The following NDUFS4 variants were observed in gnomAD, a reference collection of about 807,000 sequenced individuals.
NDUFS4 encodes the protein NADH dehydrogenase [ubiquinone] iron-sulfur protein 4, mitochondrial.
NDUFS4 carries 28 observed loss-of-function variants against 24.3 expected under a neutral mutation model. That is an observed-to-expected ratio of 1.15 (90% CI 0.85 to 1.58). The LOEUF (loss-of-function observed/expected upper bound fraction) is 1.58. NDUFS4 is among the 40% of genes most tolerant of loss of function. NDUFS4 has a pLI of 0.00. For synonymous variants in NDUFS4, 93 were observed against 69.7 expected (o/e 1.34, Z -1.67); for missense variants, 223 against 207.9 (o/e 1.07, Z -0.45).
chr5:53,668,616 ATTT>A (rs951595795), intron 4 of NDUFS4, among the ~76,000 whole-genome samples: 50 of 132,300 alleles, frequency 3.8e-4, no homozygotes, highest in Non-Finnish European at 3.9e-4. Flanking sequence ...TGTCCAGCTA[ATTT>A]TTTTTTTTTT....
intron 1 of NDUFS4, among the ~76,000 whole-genome samples, chr5:53,576,243 G>A (rs187993359): frequency 3.3e-5 from 5 of 152,296 alleles, no homozygotes; most frequent in Admixed American, 2.0e-4. Context: ...GTTTATACTC[G>A]TGTTCAAGTT....
chr5:53,615,769 A>G (rs572501006), intron 2 of NDUFS4, among the ~76,000 whole-genome samples: 36 of 152,242 alleles, frequency 2.4e-4, no homozygotes, highest in African/African-American at 7.2e-4. Flanking sequence ...TGCTTCCAAT[A>G]AAATAGACAT....
intron 1 of NDUFS4, among the ~76,000 whole-genome samples, chr5:53,581,626 C>G (rs900867834): frequency 1.3e-5 from 2 of 152,242 alleles, no homozygotes; most frequent in Admixed American, 6.5e-5. Flanking sequence ...CGGCCTACCC[C>G]CAACACCCTT....
At chr5:53,653,889 A>G (rs1027658328) in intron 3 of NDUFS4, among the ~76,000 whole-genome samples, 2 of 152,130 alleles carry the variant, frequency 1.3e-5, no homozygotes, top group Non-Finnish European at 2.9e-5. Flanking sequence ...GAGTATTGCT[A>G]ATATTTAAAG....
chr5:53,653,971 A>G (rs1752092572), intron 3 of NDUFS4, among the ~76,000 whole-genome samples: 1 of 151,864 alleles, frequency 6.6e-6, no homozygotes, highest in Admixed American at 6.6e-5. Flanking sequence ...ATTCACTTTG[A>G]TTTTCTAGTT....
At chr5:53,637,062 G>C (rs1040099300) in intron 2 of NDUFS4, among the ~76,000 whole-genome samples, 10 of 152,308 alleles carry the variant, frequency 6.6e-5, no homozygotes, top group African/African-American at 2.4e-4. Flanking sequence ...GTGCAGCATA[G>C]GCTCTTTTTA....
intron 2 of NDUFS4, among the ~76,000 whole-genome samples, chr5:53,607,530 G>A (rs186389910): frequency 8.7e-4 from 132 of 152,258 alleles, no homozygotes; most frequent in Admixed American, 1.8e-3. Context: ...GACACTAACG[G>A]ATGTGATTTT....
At chr5:53,573,706 A>G (rs1245214079) in intron 1 of NDUFS4, 1 of 339,618 alleles carries the variant, frequency 2.9e-6, no homozygotes, top group Non-Finnish European at 5.7e-6. Flanking sequence ...CTCCCACCTC[A>G]GCCTCCCAGG....
Position 53,637,693 on chromosome 5 carries a change from A to T in NDUFS4, c.178-8540A>T, listed in dbSNP as rs1384168600. On this transcript the variant is annotated intron_variant, in intron 2 of 4. Transcript: ENST00000296684. ...CCCACAATGTTTCAAACAACAAAAA[A>T]AAATTATCCTCATTAGTTCATTCAC... is the stretch of plus-strand genomic sequence containing the variant. Among the ~76,000 whole-genome samples the T allele has an allele frequency of 2.0e-5, 3 of 152,190 alleles. No individual in the cohort carries two copies. In the East Asian group the frequency reaches 5.8e-4, roughly 29 times the overall value.
At chr5:53,632,290 C>T (rs1751432023) in intron 2 of NDUFS4, among the ~76,000 whole-genome samples, 1 of 152,200 alleles carries the variant, frequency 6.6e-6, no homozygotes, top group Non-Finnish European at 1.5e-5. Flanking sequence ...TCTACTACTG[C>T]TGATCAGCTT....
rs531704770 is a variant in NDUFS4, at chr5:53,622,899, C to T, written c.177+19369C>T. Among the ~76,000 whole-genome samples, 9 of 152,278 alleles carry T rather than the reference C, an allele frequency of 5.9e-5. No homozygotes were observed. In the South Asian group the frequency reaches 1.9e-3, roughly 32 times the overall value. On this transcript the variant is annotated intron_variant, in intron 2 of 4. Transcript: ENST00000296684. ...TATTAACTGTCCTTTATGCTCTCCC[C>T]TGTTCCTCATAACCTCTATTATACT...
chr5:53,643,584 G>T (rs1325426314), intron 2 of NDUFS4, among the ~76,000 whole-genome samples: 1 of 152,056 alleles, frequency 6.6e-6, no homozygotes, highest in Non-Finnish European at 1.5e-5. Context: ...ATTGAAATGT[G>T]CTTAAAGAAC....
chr5:53,601,508 T>TA (rs1329424709), intron 1 of NDUFS4, among the ~76,000 whole-genome samples: 1 of 152,196 alleles, frequency 6.6e-6, no homozygotes, highest in Non-Finnish European at 1.5e-5. Context: ...CCCTTTGTAG[T>TA]AAAAAATTGC....
In NDUFS4 at chr5:53,605,663, A is replaced by G. The variant is rs145280363; in HGVS notation, c.177+2133A>G. On this transcript the variant is annotated intron_variant, in intron 2 of 4. Transcript: ENST00000296684. The stretch of plus-strand genomic sequence containing the variant: ...GGGATTGGTTCTAGGACTCCCCTCA[A>G]GTACCAAAATCCGTGGATGCTTAAG... 1.9e-3 allele frequency among the ~76,000 whole-genome samples: 295 copies of G among 152,292 alleles called. 2 individuals are homozygous for G. Among genetic ancestry groups the G allele is most frequent in the African/African-American group, 6.8e-3 (282 of 41,562 alleles).
At chr5:53,649,408 C>T (rs1302258119) in intron 3 of NDUFS4, among the ~76,000 whole-genome samples, 10 of 152,240 alleles carry the variant, frequency 6.6e-5, no homozygotes, top group African/African-American at 1.9e-4. Context: ...TCCATCTTTA[C>T]GTCCATGTGT....
intron 1 of NDUFS4, 57 bp from the exon 2 acceptor site, chr5:53,603,395 G>A (rs891392256): frequency 2.3e-6 from 2 of 872,294 alleles, no homozygotes; most frequent in Admixed American, 4.2e-5. Flanking sequence ...TGTAAGATTT[G>A]TCTGTCTCTC....
intron 1 of NDUFS4, among the ~76,000 whole-genome samples, chr5:53,574,975 C>T (rs751965727): frequency 2.6e-5 from 4 of 152,128 alleles, no homozygotes; most frequent in African/African-American, 7.2e-5. Flanking sequence ...ACAGCTCCAG[C>T]GGACTTAGAA....
chr5:53,597,682 C>A lies in NDUFS4; in HGVS notation c.99-5770C>A, dbSNP rs1750170938. On this transcript the variant is annotated intron_variant, in intron 1 of 4. Coordinates refer to ENST00000296684, the MANE Select transcript of NDUFS4 (RefSeq NM_002495.4). ...ATTAGAAAACTCTGAGGAAGGATAT[C>A]AAAGAAGATCCTAATGGATACATGG... Among the ~76,000 whole-genome samples, 3 of 152,024 alleles carry A rather than the reference C, an allele frequency of 2.0e-5. No individual in the cohort carries two copies. The South Asian group carries it at 6.2e-4, about 32-fold the overall frequency.
chr5:53,574,667 T>C (rs567510795), intron 1 of NDUFS4, among the ~76,000 whole-genome samples: 1 of 152,370 alleles, frequency 6.6e-6, no homozygotes, highest in East Asian at 1.9e-4. Context: ...TATTTTCATT[T>C]GGTTCAAAAT....
Sources: allele counts gnomAD v4.1 joint callset (sites outside exome capture counted in the v4.1 genomes callset), GRCh38; gene constraint gnomAD v4.1.1; transcripts MANE v1.5; gene names NCBI Gene and HGNC (gene_info 2026-07-23, HGNC 2026-07-21).